The following MLLT3 variants were observed in gnomAD, a reference collection of about 807,000 sequenced individuals.
MLLT3 encodes protein AF-9.
Under a neutral mutation model 53.2 loss-of-function variants are expected in MLLT3, and 4 were observed. The ratio of observed to expected loss-of-function variants is 0.08; its 90% CI spans 0.04 to 0.17. The LOEUF is 0.17. MLLT3 is among the 10% of genes least tolerant of loss of function. MLLT3 has a pLI of 1.00. For missense variants in MLLT3, 569 were observed against 684.0 expected, an observed-to-expected ratio of 0.83 and a Z score of 1.87; for synonymous variants, 283 against 230.6, an observed-to-expected ratio of 1.23 and a Z score of -2.06.
At chr9:20,353,500 G>C in intron 10 of MLLT3, 25 bp downstream of exon 10, 1 of 1,602,496 alleles carries the variant, frequency 6.2e-7, no homozygotes, top group East Asian at 2.2e-5. Context: ...TTCTGGAAAG[G>C]GTTGTGCTAA....
Position 20,413,850 on chromosome 9 carries a change from A to G in MLLT3, c.996T>C (p.His332=). Residue 332 remains histidine (H), a synonymous_variant, in exon 5 of 11, where the codon CAT becomes CAC. Transcript: ENST00000380338. ...CAATTTTGACCTTTCCCATCTTGAC[A>G]TGAGATTTATCTTTTATCTGTTTTT... is the stretch of plus-strand genomic sequence containing the variant. The part of the protein sequence containing the change: ...ADKKQIKDKS[H]VKMGKVKIES... 1 of 1,614,046 alleles carries G rather than the reference A, an allele frequency of 6.2e-7. No homozygotes were observed. The highest frequency in any genetic ancestry group is 1.1e-5 in the South Asian group (1 of 91,078).
Position 20,350,602 on chromosome 9 carries a change from G to GA in MLLT3, c.1575+2922dup, listed in dbSNP as rs56958960. Among the ~76,000 whole-genome samples the GA allele has an allele frequency of 7.9e-5, 11 of 138,958 alleles. 1 individual carries two copies. In the East Asian group the frequency reaches 2.2e-3, roughly 28 times the overall value. 91.2% of individuals were successfully genotyped at this position (138,958 alleles called of 152,430 possible). A position where few individuals can be genotyped will look rare whatever the true frequency, so the allele number is the denominator to read the frequency against. On this transcript the variant is annotated intron_variant, in intron 10 of 10. Coordinates refer to ENST00000380338, the MANE Select transcript of MLLT3 (RefSeq NM_004529.4). Reference sequence around the variant, plus strand: ...AGAGCGAGACTCCGTCTCAAAAAAAGAAAGAAAGAAAAACAGGCAACCAGG... The same window carrying GA: ...AGAGCGAGACTCCGTCTCAAAAAAAGAAAAGAAAGAAAAACAGGCAACCAGG...
intron 2 of MLLT3, among the ~76,000 whole-genome samples, chr9:20,490,820 A>G (rs1824930297): frequency 6.6e-6 from 1 of 152,210 alleles, no homozygotes; most frequent in Non-Finnish European, 1.5e-5. Flanking sequence ...CCTCCATTTT[A>G]CACATGAGGA....
intron 2 of MLLT3, among the ~76,000 whole-genome samples, chr9:20,582,851 C>A (rs1819833747): frequency 6.6e-6 from 1 of 152,132 alleles, no homozygotes; most frequent in South Asian, 2.1e-4. Flanking sequence ...CTGGGAAATA[C>A]AATTCAAATT....
chr9:20,442,795 A>G (rs1823588372), intron 4 of MLLT3, among the ~76,000 whole-genome samples: 1 of 152,178 alleles, frequency 6.6e-6, no homozygotes, highest in Admixed American at 6.6e-5. Context: ...TTGTGAAAAC[A>G]GATCATATAT....
At position 20,621,803 on chromosome 9, in the gene MLLT3, T is replaced by C. The variant is rs1821019937; in HGVS notation, c.12+442A>G. The C allele has an allele frequency of 6.9e-7, 1 of 1,448,206 alleles. No homozygotes were observed. Among genetic ancestry groups the C allele is most frequent in the African/African-American group, 1.5e-5 (1 of 66,670 alleles). 89.7% of individuals were successfully genotyped at this position (1,448,206 alleles called of 1,614,324 possible). ...TAGCGGCCGCGGCGCTTTGCGGAGGTGCGGCCGCCGAGGCTGCTCGCCGCG... is the reference window on the plus strand; with the variant it reads ...TAGCGGCCGCGGCGCTTTGCGGAGGCGCGGCCGCCGAGGCTGCTCGCCGCG... On this transcript the variant is annotated intron_variant, in intron 1 of 10. Transcript: ENST00000380338. The surrounding 1 kb of genome is among the most constrained non-coding windows in gnomAD (Gnocchi z 7.0).
intron 2 of MLLT3, among the ~76,000 whole-genome samples, chr9:20,526,542 T>C (rs1264007790): frequency 2.0e-5 from 3 of 152,212 alleles, no homozygotes; most frequent in Admixed American, 6.5e-5. Context: ...AGCAGTTAGT[T>C]CATATTCACT....
chr9:20,537,761 T>G (rs1167893779), intron 2 of MLLT3, among the ~76,000 whole-genome samples: 1 of 152,196 alleles, frequency 6.6e-6, no homozygotes, highest in African/African-American at 2.4e-5. Context: ...ATCCTGCAGA[T>G]GATTTATTGC....
chr9:20,537,510 G>C (rs1818518493), intron 2 of MLLT3, among the ~76,000 whole-genome samples: 2 of 152,162 alleles, frequency 1.3e-5, no homozygotes, highest in South Asian at 4.2e-4. Context: ...CCTAATAAAA[G>C]AACACTTAAC....
At chr9:20,504,836 C>T (rs1301287559) in intron 2 of MLLT3, among the ~76,000 whole-genome samples, 3 of 151,998 alleles carry the variant, frequency 2.0e-5, no homozygotes, top group Non-Finnish European at 2.9e-5. Context: ...TCATGTTATA[C>T]ACTATAAATA....
intron 2 of MLLT3, among the ~76,000 whole-genome samples, chr9:20,498,733 A>G (rs13297277): frequency 0.089 from 13,565 of 152,250 alleles, 830 homozygotes; most frequent in Non-Finnish European, 0.14. Flanking sequence ...AAGCCAAAAG[A>G]TTGGACACCC....
At chr9:20,558,829 C>T (rs1358908241) in intron 2 of MLLT3, among the ~76,000 whole-genome samples, 9 of 152,222 alleles carry the variant, frequency 5.9e-5, no homozygotes, top group Non-Finnish European at 1.2e-4. Flanking sequence ...CATCAGCAAG[C>T]TCTGTTTCCA....
rs978468623 is a variant in MLLT3 at position 20,597,839 on chromosome 9, T to C, written c.193+22815A>G. ...TGCAGTCACCAATTCTGCCATTCTA[T>C]AGAAGCTTACTAATATTTTTTAACT... On this transcript the variant is annotated intron_variant, in intron 2 of 10. Transcript: ENST00000380338. Among the ~76,000 whole-genome samples, 5 of 152,232 alleles carry C rather than the reference T, an allele frequency of 3.3e-5. No homozygotes were observed. In the East Asian group the frequency reaches 7.7e-4, roughly 23 times the overall value.
intron 2 of MLLT3, among the ~76,000 whole-genome samples, chr9:20,539,759 C>A (rs77161473): frequency 0.015 from 2,272 of 152,274 alleles, 71 homozygotes; most frequent in African/African-American, 0.052. Flanking sequence ...GACCTTCTCA[C>A]ACTGTGAGAT....
Position 20,622,168 on chromosome 9 carries a change from C to G in MLLT3, c.12+77G>C, listed in dbSNP as rs1447720275. The G allele has an allele frequency of 5.5e-6, 8 of 1,455,802 alleles. No individual in the cohort carries two copies. In the East Asian group the frequency reaches 1.9e-4, roughly 34 times the overall value. 90.2% of individuals were successfully genotyped at this position (1,455,802 alleles called of 1,614,324 possible). A position where few individuals can be genotyped will look rare whatever the true frequency, so the allele number is the denominator to read the frequency against. ...TAATTGGAACCGCGGAGCGCTGGCG[C>G]TGTCTGGGCTGCGGCGGCGCAGGGC... On this transcript the variant is annotated intron_variant, in intron 1 of 10. Coordinates refer to ENST00000380338, the MANE Select transcript of MLLT3 (RefSeq NM_004529.4).
chr9:20,576,819 G>A (rs1819665363), intron 2 of MLLT3, among the ~76,000 whole-genome samples: 1 of 152,114 alleles, frequency 6.6e-6, no homozygotes, highest in African/African-American at 2.4e-5. Flanking sequence ...TCAATGAAGG[G>A]TTGTGGCACA....
chr9:20,362,691 T>C (rs963969607), intron 7 of MLLT3: 1 of 147,238 alleles, frequency 6.8e-6, no homozygotes, highest in East Asian at 2.1e-4. Context: ...GTCTCTCCAG[T>C]TTGGGTTAAG....
intron 2 of MLLT3, among the ~76,000 whole-genome samples, chr9:20,483,652 A>T (rs919417004): frequency 6.6e-6 from 1 of 151,286 alleles, no homozygotes; most frequent in Admixed American, 6.6e-5. Context: ...GTAAGACTCA[A>T]TATGACTTGA....
chr9:20,474,155 C>T lies in MLLT3; in HGVS notation c.194-17369G>A, dbSNP rs569740351. On this transcript the variant is annotated intron_variant, in intron 2 of 10. Transcript: ENST00000380338. ...TTATGATTTATCTTTCTGAAGCCCT[C>T]GACACCATTTCTATAACACTCTAAT... 6.6e-5 allele frequency among the ~76,000 whole-genome samples: 10 copies of T among 152,092 alleles called. No individual in the cohort carries two copies. In the South Asian group the frequency reaches 2.1e-3, roughly 32 times the overall value.
Sources: gnomAD v4.1 joint callset for allele counts (sites outside exome capture counted in the v4.1 genomes callset) on GRCh38, gnomAD v4.1.1 for gene constraint, Gnocchi (gnomAD v3.1) non-coding constraint, MANE v1.5 for transcripts, NCBI Gene and HGNC (gene_info 2026-07-23, HGNC 2026-07-21) for gene names.